C6orf89: variants seen among roughly 807,000 people sequenced by gnomAD.
The protein encoded by C6orf89 is bombesin receptor-activated protein C6orf89.
Under a neutral mutation model 40.7 loss-of-function variants are expected in C6orf89, and 29 were observed. The ratio of observed to expected loss-of-function variants is 0.71; its 90% confidence interval spans 0.53 to 0.97. The LOEUF (loss-of-function observed/expected upper bound fraction) is 0.97. Among genes scored for constraint, C6orf89 ranks in the 50% least tolerant of loss-of-function variants. The pLI is 0.00. For synonymous variants in C6orf89, 165 were observed against 152.2 expected (o/e 1.08, Z -0.62); for missense variants, 392 against 429.1 (o/e 0.91, Z 0.76).
chr6:36,919,503 T>G (rs1458951591), intron 7 of C6orf89, 75 bp from the exon 8 acceptor site: 5 of 1,535,340 alleles, frequency 3.3e-6, no homozygotes, highest in Admixed American at 1.8e-5. Flanking sequence ...GAAAGCATTT[T>G]TATTTACTAA....
At chr6:36,899,841 A>C (rs915280236) in intron 3 of C6orf89, among the ~76,000 whole-genome samples, 9 of 152,180 alleles carry the variant, frequency 5.9e-5, no homozygotes, top group Non-Finnish European at 1.3e-4. Context: ...CAGTTAAATT[A>C]TATTTGTGTA....
At chr6:36,896,296 C>T (rs767112747) in intron 2 of C6orf89, among the ~76,000 whole-genome samples, 2 of 152,040 alleles carry the variant, frequency 1.3e-5, no homozygotes, top group Non-Finnish European at 2.9e-5. Context: ...TTAGTAGAGA[C>T]AGGGTTTCAC....
Position 36,923,459 on chromosome 6 carries a change from AG to A in C6orf89, c.*20del, listed in dbSNP as rs1173588986. The A allele has an allele frequency of 6.3e-7, 1 of 1,593,652 alleles. No homozygotes were observed. Among genetic ancestry groups the A allele is most frequent in the East Asian group, 2.2e-5 (1 of 44,810 alleles). ...AACTGTAGGAAATAGAACTGTGCACAGGAACAGCTTCCAGAGCCGAAAACCA... is the reference window on the plus strand; with the variant it reads ...AACTGTAGGAAATAGAACTGTGCACAGAACAGCTTCCAGAGCCGAAAACCA... On this transcript the variant is annotated 3_prime_UTR_variant, in exon 9 of 9. Transcript: ENST00000480824.
chr6:36,875,056 A>G (rs1427637317), intron 1 of C6orf89: 1 of 422,576 alleles, frequency 2.4e-6, no homozygotes, highest in Non-Finnish European at 4.3e-6. Context: ...TGGTTCGTTT[A>G]GGCATGGAAG....
chr6:36,903,015 A>G (rs142189033), intron 4 of C6orf89, among the ~76,000 whole-genome samples: 7 of 152,374 alleles, frequency 4.6e-5, no homozygotes, highest in Non-Finnish European at 1.0e-4. Flanking sequence ...CATCGGTGGC[A>G]TAAGAATTCA....
At chr6:36,897,416 T>C (rs1354341853) in intron 2 of C6orf89, among the ~76,000 whole-genome samples, 2 of 152,176 alleles carry the variant, frequency 1.3e-5, no homozygotes, top group Admixed American at 6.5e-5. Context: ...TTTTCAATCC[T>C]GGGTTGGTAG....
intron 1 of C6orf89, among the ~76,000 whole-genome samples, chr6:36,888,576 G>A (rs1297782483): frequency 6.6e-6 from 1 of 152,228 alleles, no homozygotes; most frequent in Non-Finnish European, 1.5e-5. Flanking sequence ...AGAGGTTGCA[G>A]TGAGCTGAGA....
intron 1 of C6orf89, among the ~76,000 whole-genome samples, chr6:36,878,836 C>T (rs566673675): frequency 2.0e-5 from 3 of 152,196 alleles, no homozygotes; most frequent in Non-Finnish European, 4.4e-5. Flanking sequence ...ACCTCACTTC[C>T]TATTGCTGTA....
At chr6:36,874,668 C>T (rs371206519) in intron 1 of C6orf89, 5 of 1,602,412 alleles carry the variant, frequency 3.1e-6, no homozygotes, top group Non-Finnish European at 4.3e-6. Context: ...GTGGTGAGGC[C>T]CGGGCTCCGC....
At chr6:36,882,180 T>G (rs1008870877), upstream of C6orf89, among the ~76,000 whole-genome samples, 3 of 152,248 alleles carry the variant, frequency 2.0e-5, no homozygotes, top group East Asian at 5.8e-4. Flanking sequence ...TTTAAAATTT[T>G]TTAAGTTATC....
In C6orf89 at chr6:36,914,828, A is replaced by G. The variant is rs183920700; in HGVS notation, c.695+135A>G. 1.7e-4 allele frequency: 174 copies of G among 1,019,312 alleles called. 1 individual carries two copies. Among genetic ancestry groups the G allele is most frequent in the Admixed American group, 1.7e-3 (70 of 41,270 alleles). The allele number at this position is 1,019,312 out of a possible 1,614,324, so 63.1% of individuals were successfully genotyped here. On this transcript the variant is annotated intron_variant, in intron 6 of 8. Transcript: ENST00000480824. ...AACATGGCAAAACCCCATCTCTACT[A>G]AAAATACAAAAATTAGCCAGGTATG...
chr6:36,922,918 T>A (rs1309529048), intron 8 of C6orf89, among the ~76,000 whole-genome samples: 2 of 152,200 alleles, frequency 1.3e-5, no homozygotes, highest in Non-Finnish European at 2.9e-5. Flanking sequence ...CCTGCCTTTG[T>A]AAGCCTGCTG....
At chr6:36,922,693 C>G (rs1219750083) in intron 8 of C6orf89, among the ~76,000 whole-genome samples, 1 of 152,192 alleles carries the variant, frequency 6.6e-6, no homozygotes, top group Non-Finnish European at 1.5e-5. Context: ...AACCTATTTT[C>G]TTTGGAATAT....
At chr6:36,871,871 T>A (rs1321974891) in exon 1 of C6orf89, 3 of 1,580,784 alleles carry the variant, frequency 1.9e-6, no homozygotes, top group Non-Finnish European at 2.6e-6. Flanking sequence ...ATGATTCCCA[T>A]GCTGCAGAGG....
At chr6:36,882,038 C>G (rs1774826868), upstream of C6orf89, among the ~76,000 whole-genome samples, 1 of 151,360 alleles carries the variant, frequency 6.6e-6, no homozygotes, top group Admixed American at 6.6e-5. Flanking sequence ...TTTTTGTTTA[C>G]CTTTTAAATA....
chr6:36,877,844 CT>C (rs1774701101), intron 1 of C6orf89, among the ~76,000 whole-genome samples: 1 of 150,620 alleles, frequency 6.6e-6, no homozygotes, highest in African/African-American at 2.5e-5. Context: ...TTTGTGATAC[CT>C]TTTTGTGTTC....
intron 3 of C6orf89, among the ~76,000 whole-genome samples, chr6:36,901,321 A>ATTATT (rs1561865504): frequency 3.7e-4 from 7 of 19,018 alleles, no homozygotes; most frequent in African/African-American, 8.7e-4. Flanking sequence ...TATTATTATT[A>ATTATT]TTTTTTTTTT....
upstream of C6orf89, among the ~76,000 whole-genome samples, chr6:36,882,089 TAGTC>T (rs548693296): frequency 4.2e-3 from 638 of 152,088 alleles, 1 homozygote; most frequent in African/African-American, 0.014. Flanking sequence ...AGAAAGGAGA[TAGTC>T]AGTTGGCCTC....
Position 36,914,445 on chromosome 6 carries a change from A to C in C6orf89, c.555+10A>C. On this transcript the variant is annotated intron_variant, in intron 5 of 8. Coordinates refer to ENST00000480824, the MANE Select transcript of C6orf89 (RefSeq NM_001286635.2). ...TCCACTGGTGATCAAGGTGAGCAGA[A>C]GCCTGAGTCTCCCGCTGATTGGCTG... 6.2e-7 allele frequency: 1 copy of C among 1,614,178 alleles called. No homozygotes were observed. The highest frequency in any genetic ancestry group is 1.6e-4 in the Middle Eastern group (1 of 6,062).
Sources: gnomAD v4.1 joint callset for allele counts (sites outside exome capture counted in the v4.1 genomes callset) on GRCh38, gnomAD v4.1.1 for gene constraint, MANE v1.5 for transcripts, NCBI Gene and HGNC (gene_info 2026-07-23, HGNC 2026-07-21) for gene names.